Variants in ARHGAP28 observed in about 807,000 individuals in gnomAD.
ARHGAP28 encodes Rho GTPase activating protein 28.
A neutral mutation model predicts 90.7 loss-of-function variants in ARHGAP28; 56 were observed. The observed-to-expected ratio is 0.62, with a 90% CI of 0.50 to 0.77. The LOEUF (loss-of-function observed/expected upper bound fraction) is 0.77, where lower values mean the gene tolerates loss of function less well. Ranked by LOEUF, ARHGAP28 falls within the 30% of genes least tolerant of loss-of-function variation. The pLI, the probability that ARHGAP28 is intolerant of heterozygous loss-of-function variation, is 0.00. For synonymous variants in ARHGAP28, 308 were observed against 323.3 expected (o/e 0.95, Z 0.51); for missense variants, 869 against 900.9 (o/e 0.96, Z 0.45).
At chr18:6,830,494 T>TGACA (rs2056706890) in intron 2 of ARHGAP28, among the ~76,000 whole-genome samples, 1 of 152,078 alleles carries the variant, frequency 6.6e-6, no homozygotes, top group Non-Finnish European at 1.5e-5. Flanking sequence ...TGACAGGCCC[T>TGACA]GGTGTGTGAT....
chr18:6,896,167 T>C (rs1318209350), intron 15 of ARHGAP28, among the ~76,000 whole-genome samples: 1 of 152,236 alleles, frequency 6.6e-6, no homozygotes, highest in Non-Finnish European at 1.5e-5. Context: ...AAGTACAGAA[T>C]TATGCTTAAA....
intron 1 of ARHGAP28, among the ~76,000 whole-genome samples, chr18:6,772,449 G>C (rs553077389): frequency 6.6e-6 from 1 of 152,276 alleles, no homozygotes; most frequent in South Asian, 2.1e-4. Context: ...TTACAATAGT[G>C]CAAAAGTGAC....
Position 6,885,802 on chromosome 18 carries a change from G to GTTT in ARHGAP28, c.1454-1342_1454-1340dup, listed in dbSNP as rs11415807. ...TCTTGTTTTTTTCTTCCCCAGAGTTGTTTTTTTTTTTTTTTAATTGCGTTG... is the reference window on the plus strand; with the variant it reads ...TCTTGTTTTTTTCTTCCCCAGAGTTGTTTTTTTTTTTTTTTTTTAATTGCGTTG... On this transcript the variant is annotated intron_variant, in intron 11 of 17. Coordinates refer to ENST00000383472, the MANE Select transcript of ARHGAP28 (RefSeq NM_001366230.1). Among the ~76,000 whole-genome samples the GTTT allele has an allele frequency of 9.2e-3, 1,298 of 141,722 alleles. 21 individuals are homozygous for GTTT. The highest frequency in any genetic ancestry group is 0.029 in the African/African-American group (1,136 of 38,646). 93.0% of individuals were successfully genotyped at this position (141,722 alleles called of 152,430 possible).
intron 1 of ARHGAP28, among the ~76,000 whole-genome samples, chr18:6,823,279 TCAG>T (rs1176119945): frequency 6.6e-6 from 1 of 152,160 alleles, no homozygotes; most frequent in African/African-American, 2.4e-5. Flanking sequence ...ATTTGACTAC[TCAG>T]CACCACAAGT....
chr18:6,800,777 G>T (rs1320184375), intron 1 of ARHGAP28, among the ~76,000 whole-genome samples: 2 of 152,138 alleles, frequency 1.3e-5, no homozygotes, highest in African/African-American at 2.4e-5. Flanking sequence ...GTTGATTGGT[G>T]CAGCAAACCA....
At chr18:6,858,405 T>G (rs955328031) in intron 4 of ARHGAP28, among the ~76,000 whole-genome samples, 2 of 152,212 alleles carry the variant, frequency 1.3e-5, no homozygotes, top group South Asian at 2.1e-4. Context: ...ATTTCTCATT[T>G]GGCCTGCTAT....
Position 6,841,193 on chromosome 18 carries a change from CT to C in ARHGAP28, c.543+3780del, listed in dbSNP as rs1332252637. Among the ~76,000 whole-genome samples, 122 of 61,274 alleles carry C rather than the reference CT, an allele frequency of 2.0e-3. 2 individuals carry two copies. The highest frequency in any genetic ancestry group is 6.6e-3 in the Middle Eastern group (1 of 152). 40.2% of individuals were successfully genotyped at this position (61,274 alleles called of 152,430 possible). ...CTCTCTCTCTCTCCTCTCTCTCTCT[CT>C]CTCTCTCTCCTCTCCTCTCTCTCTC... On this transcript the variant is annotated intron_variant, in intron 3 of 17. Transcript: ENST00000383472.
chr18:6,842,848 A>G (rs1448659260), intron 3 of ARHGAP28, among the ~76,000 whole-genome samples: 1 of 152,194 alleles, frequency 6.6e-6, no homozygotes, highest in East Asian at 1.9e-4. Context: ...CATATACCCC[A>G]TAAATATATA....
rs1158462881 is a variant in ARHGAP28, at chr18:6,798,176, CTAAT to C, written c.123-26583_123-26580del. On this transcript the variant is annotated intron_variant, in intron 1 of 17. Coordinates refer to ENST00000383472, the MANE Select transcript of ARHGAP28 (RefSeq NM_001366230.1). ...ATCTACATATAATCAGAGAAGGAAA[CTAAT>C]TATAAATTATTGGGGTTGTGTGTGT... 6.2e-4 allele frequency among the ~76,000 whole-genome samples: 95 copies of C among 152,062 alleles called. 1 individual carries two copies. The highest frequency in any genetic ancestry group is 1.2e-4 in the Non-Finnish European group (8 of 67,998).
At chr18:6,818,374 C>G (rs146371162) in intron 1 of ARHGAP28, among the ~76,000 whole-genome samples, 1 of 152,116 alleles carries the variant, frequency 6.6e-6, no homozygotes, top group African/African-American at 2.4e-5. Context: ...TTGGACCAGA[C>G]GGGGAAAGGT....
rs1172759953 is a variant in ARHGAP28, at chr18:6,909,248, G to GTCTTTTCTTTTCTTTTCTTT, written c.2095+230_2095+249dup. 2.2e-4 allele frequency among the ~76,000 whole-genome samples: 27 copies of GTCTTTTCTTTTCTTTTCTTT among 121,368 alleles called. No homozygotes were observed. In the East Asian group the frequency reaches 2.5e-3, roughly 11 times the overall value. 79.6% of individuals were successfully genotyped at this position (121,368 alleles called of 152,430 possible). On this transcript the variant is annotated intron_variant, in intron 17 of 17. Coordinates refer to ENST00000383472, the MANE Select transcript of ARHGAP28 (RefSeq NM_001366230.1). ...TAATGTTGATATGGAGTAGGCTTGG[G>GTCTTTTCTTTTCTTTTCTTT]TCTTTTCTTTTCTTTTCTTTTCTTT...
In ARHGAP28 at chr18:6,841,433, ACT is replaced by A. The variant is rs571028964; in HGVS notation, c.543+4020_543+4021del. On this transcript the variant is annotated intron_variant, in intron 3 of 17. Transcript: ENST00000383472. ...TAGATGTATAAATTTGACCCAATAT[ACT>A]TATCTAGTAAGGATATAAGTAAGAT... Among the ~76,000 whole-genome samples, 17 of 151,772 alleles carry A rather than the reference ACT, an allele frequency of 1.1e-4. No individual in the cohort carries two copies. The East Asian group carries it at 3.1e-3, about 28-fold the overall frequency.
intron 1 of ARHGAP28, among the ~76,000 whole-genome samples, chr18:6,821,938 T>C (rs2056629783): frequency 6.6e-6 from 1 of 152,228 alleles, no homozygotes; most frequent in Non-Finnish European, 1.5e-5. Flanking sequence ...ACAAATTTCA[T>C]ACTTCTTCAA....
intron 1 of ARHGAP28, among the ~76,000 whole-genome samples, chr18:6,772,537 T>C (rs895178382): frequency 1.1e-4 from 17 of 152,194 alleles, no homozygotes; most frequent in Admixed American, 6.5e-4. Flanking sequence ...ATTCAATACA[T>C]TATATGAGAT....
At chr18:6,760,078 T>G (rs2056146105) in intron 1 of ARHGAP28, among the ~76,000 whole-genome samples, 1 of 152,174 alleles carries the variant, frequency 6.6e-6, no homozygotes, top group Non-Finnish European at 1.5e-5. Flanking sequence ...GTCATGGAAT[T>G]ATATCCTAAC....
chr18:6,737,639 C>A (rs1173900240), intron 1 of ARHGAP28, among the ~76,000 whole-genome samples: 1 of 152,056 alleles, frequency 6.6e-6, no homozygotes, highest in Non-Finnish European at 1.5e-5. Context: ...TTGTCTCTTG[C>A]TGTGCTCTGA....
chr18:6,810,070 A>G lies in ARHGAP28; in HGVS notation c.123-14692A>G, dbSNP rs569220206. ...GAAATTTAGTTTTTTCCTTTTTGCT[A>G]TCAAGCCAAAATTTCAGCTGATTGT... On this transcript the variant is annotated intron_variant, in intron 1 of 17. Transcript: ENST00000383472. Among the ~76,000 whole-genome samples the G allele has an allele frequency of 2.1e-4, 32 of 152,230 alleles. No homozygotes were observed. The South Asian group carries it at 3.3e-3, about 16-fold the overall frequency.
chr18:6,803,789 AT>A (rs1383696764), intron 1 of ARHGAP28, among the ~76,000 whole-genome samples: 1 of 151,372 alleles, frequency 6.6e-6, no homozygotes, highest in African/African-American at 2.4e-5. Flanking sequence ...TTATTTATTT[AT>A]TTTTTTGAGA....
At chr18:6,856,791 G>T (rs965069917) in intron 4 of ARHGAP28, among the ~76,000 whole-genome samples, 1 of 152,104 alleles carries the variant, frequency 6.6e-6, no homozygotes, top group African/African-American at 2.4e-5. Flanking sequence ...CCCCCATCCT[G>T]GAGAAGCAAG....
Sources: gnomAD v4.1 joint callset for allele counts (sites outside exome capture counted in the v4.1 genomes callset) on GRCh38, gnomAD v4.1.1 for gene constraint, MANE v1.5 for transcripts, NCBI Gene and HGNC (gene_info 2026-07-23, HGNC 2026-07-21) for gene names.